ARHGAP28: variants seen among roughly 807,000 people sequenced by gnomAD.
ARHGAP28 encodes Rho GTPase activating protein 28.
A neutral mutation model predicts 90.7 loss-of-function variants in ARHGAP28; 56 were observed. The ratio of observed to expected loss-of-function variants is 0.62; its 90% CI spans 0.50 to 0.77. The LOEUF is 0.77. Ranked by LOEUF, ARHGAP28 falls within the 30% of genes least tolerant of loss-of-function variation. The probability of loss-of-function intolerance (pLI) is 0.00; values close to 1 mark genes in which losing one functional copy is unlikely to be tolerated. For missense variants in ARHGAP28, 869 were observed against 900.9 expected (o/e 0.96, Z 0.45); for synonymous variants, 308 against 323.3 (o/e 0.95, Z 0.51).
At chr18:6,821,637 T>C (rs2056627565) in intron 1 of ARHGAP28, among the ~76,000 whole-genome samples, 1 of 152,150 alleles carries the variant, frequency 6.6e-6, no homozygotes, top group South Asian at 2.1e-4. Flanking sequence ...AGTGCTCTTA[T>C]CCCCAAAAAT....
At chr18:6,802,335 CTTTTTTTTTTTTTT>C (rs35950139) in intron 1 of ARHGAP28, among the ~76,000 whole-genome samples, 3 of 52,754 alleles carry the variant, frequency 5.7e-5, no homozygotes, top group Non-Finnish European at 1.1e-4. Context: ...TATGGTAGTT[CTTTTTTTTTTTTTT>C]TTTTTTTTTT....
At chr18:6,743,163 A>C (rs976450378) in intron 1 of ARHGAP28, among the ~76,000 whole-genome samples, 3 of 152,218 alleles carry the variant, frequency 2.0e-5, no homozygotes, top group Non-Finnish European at 4.4e-5. Flanking sequence ...AAATGTACCC[A>C]AAAGAACTAA....
intron 1 of ARHGAP28, among the ~76,000 whole-genome samples, chr18:6,749,591 T>A (rs887435031): frequency 6.6e-6 from 1 of 152,204 alleles, no homozygotes; most frequent in African/African-American, 2.4e-5. Context: ...CACATTGTAT[T>A]CTTACCATTC....
At chr18:6,909,781 C>T (rs374849255) in intron 17 of ARHGAP28, among the ~76,000 whole-genome samples, 8 of 152,088 alleles carry the variant, frequency 5.3e-5, no homozygotes, top group African/African-American at 1.7e-4. Flanking sequence ...CAAAACTTCC[C>T]CGCTTGGTCT....
intron 3 of ARHGAP28, among the ~76,000 whole-genome samples, chr18:6,846,931 G>A (rs2056870380): frequency 1.3e-5 from 2 of 152,154 alleles, no homozygotes; most frequent in South Asian, 2.1e-4. Context: ...GCTTGGGAGA[G>A]GAGGACACCG....
At chr18:6,866,267 A>G (rs1459670004) in intron 5 of ARHGAP28, among the ~76,000 whole-genome samples, 4 of 151,842 alleles carry the variant, frequency 2.6e-5, no homozygotes, top group African/African-American at 9.7e-5. Context: ...GGCTTTCAAA[A>G]CCTTCCATAA....
At chr18:6,797,929 G>C (rs551469183) in intron 1 of ARHGAP28, among the ~76,000 whole-genome samples, 1 of 152,028 alleles carries the variant, frequency 6.6e-6, no homozygotes, top group African/African-American at 2.4e-5. Flanking sequence ...CAAAGTGCTG[G>C]GATTACAGGC....
At position 6,831,602 on chromosome 18, in the gene ARHGAP28, G is replaced by C. The variant is rs79349113; in HGVS notation, c.326-5595G>C. Among the ~76,000 whole-genome samples, 1,286 of 149,130 alleles carry C rather than the reference G, an allele frequency of 8.6e-3. 10 individuals carry two copies. The highest frequency in any genetic ancestry group is 0.016 in the Admixed American group (240 of 14,764). On this transcript the variant is annotated intron_variant, in intron 2 of 17. Transcript: ENST00000383472. ...TGTATCTTGATGTTATATACTATTA[G>C]CTTCCTAAAATGATTTTCTAGTGGT... is the stretch of plus-strand genomic sequence containing the variant.
chr18:6,842,185 C>CA (rs1027007089), intron 3 of ARHGAP28, among the ~76,000 whole-genome samples: 1 of 151,884 alleles, frequency 6.6e-6, no homozygotes, highest in East Asian at 1.9e-4. Flanking sequence ...CATGTCTCTA[C>CA]AAAAAAAATT....
chr18:6,858,528 C>A (rs4798500), intron 4 of ARHGAP28, among the ~76,000 whole-genome samples: 5,474 of 148,552 alleles, frequency 0.037, 335 homozygotes, highest in East Asian at 0.28. Context: ...GTCAGTTCAC[C>A]ATCTTGACTT....
chr18:6,880,517 GA>G (rs767488109), intron 10 of ARHGAP28, among the ~76,000 whole-genome samples: 1 of 152,182 alleles, frequency 6.6e-6, no homozygotes. Context: ...CCCGTGCTTA[GA>G]GATGTTCCAG....
At chr18:6,839,523 T>C (rs1197961616) in intron 3 of ARHGAP28, among the ~76,000 whole-genome samples, 1 of 152,108 alleles carries the variant, frequency 6.6e-6, no homozygotes, top group African/African-American at 2.4e-5. Flanking sequence ...GGTCTCGATT[T>C]CCTGACCTCG....
At chr18:6,910,423 A>C (rs1392937507) in intron 17 of ARHGAP28, among the ~76,000 whole-genome samples, 1 of 152,052 alleles carries the variant, frequency 6.6e-6, no homozygotes, top group Non-Finnish European at 1.5e-5. Flanking sequence ...TGAGATTTCT[A>C]TCCCACGGGT....
rs189874559 is a variant in ARHGAP28 at position 6,902,684 on chromosome 18, G to T, written c.2030+6058G>T. 2.1e-3 allele frequency among the ~76,000 whole-genome samples: 327 copies of T among 152,326 alleles called. 1 individual carries two copies. The highest frequency in any genetic ancestry group is 0.017 in the Middle Eastern group (5 of 294). The stretch of plus-strand genomic sequence containing the variant: ...AAAAATAACAAGTGCTGGCGAAGAT[G>T]AGAAGAAATCTTGTGCACCACTGGT... On this transcript the variant is annotated intron_variant, in intron 16 of 17. Coordinates refer to ENST00000383472, the MANE Select transcript of ARHGAP28 (RefSeq NM_001366230.1).
intron 4 of ARHGAP28, among the ~76,000 whole-genome samples, chr18:6,851,572 T>A (rs2056911466): frequency 6.6e-6 from 1 of 152,206 alleles, no homozygotes. Flanking sequence ...TCATAAGTAA[T>A]ATATATACAC....
intron 9 of ARHGAP28, among the ~76,000 whole-genome samples, chr18:6,874,069 CA>C (rs2057112069): frequency 6.6e-6 from 1 of 152,100 alleles, no homozygotes; most frequent in African/African-American, 2.4e-5. Flanking sequence ...CATTTTTTTC[CA>C]ATATTTTTTC....
intron 2 of ARHGAP28, among the ~76,000 whole-genome samples, chr18:6,827,299 G>A (rs1229692357): frequency 6.6e-6 from 1 of 150,468 alleles, no homozygotes; most frequent in African/African-American, 2.4e-5. Context: ...CGGACGGGGC[G>A]GCTGGCCGGG....
At position 6,912,163 on chromosome 18, in the gene ARHGAP28, C is replaced by T. The variant is rs767269506; in HGVS notation, c.*9C>T. ...CCCAACAAAGTTCTTAAAATATCCT[C>T]GAGAGAGCTGCTATCATGTATTATA... On this transcript the variant is annotated 3_prime_UTR_variant, in exon 18 of 18. Coordinates refer to ENST00000383472, the MANE Select transcript of ARHGAP28 (RefSeq NM_001366230.1). The T allele has an allele frequency of 1.3e-5, 20 of 1,508,284 alleles. No individual in the cohort carries two copies. Among genetic ancestry groups the T allele is most frequent in the Middle Eastern group, 1.7e-4 (1 of 5,870 alleles). 93.4% of individuals were successfully genotyped at this position (1,508,284 alleles called of 1,614,324 possible). A position where few individuals can be genotyped will look rare whatever the true frequency, so the allele number is the denominator to read the frequency against.
intron 7 of ARHGAP28, among the ~76,000 whole-genome samples, chr18:6,871,127 G>A (rs987057624): frequency 6.6e-5 from 10 of 152,146 alleles, no homozygotes; most frequent in Non-Finnish European, 1.0e-4. Flanking sequence ...ATATCTGTGT[G>A]TGTGCACGGG....
Sources: gnomAD v4.1 joint callset for allele counts (sites outside exome capture counted in the v4.1 genomes callset) on GRCh38, gnomAD v4.1.1 for gene constraint, MANE v1.5 for transcripts, NCBI Gene and HGNC (gene_info 2026-07-23, HGNC 2026-07-21) for gene names.